Variants in SYT9 observed in about 807,000 individuals in gnomAD.
SYT9 encodes the protein synaptotagmin-9.
SYT9 carries 22 observed loss-of-function variants against 48.4 expected under a neutral mutation model. The observed-to-expected ratio is 0.45, with a 90% CI of 0.32 to 0.65. SYT9 has a LOEUF of 0.65. Ranked by LOEUF, SYT9 falls within the 30% of genes least tolerant of loss-of-function variation. The pLI, the probability that SYT9 is intolerant of heterozygous loss-of-function variation, is 0.03. For synonymous variants in SYT9, 265 were observed against 245.0 expected (o/e 1.08, Z -0.76); for missense variants, 577 against 622.0 (o/e 0.93, Z 0.77).
chr11:7,446,488 T>G (rs1041027786), intron 6 of SYT9, among the ~76,000 whole-genome samples: 8 of 152,194 alleles, frequency 5.3e-5, no homozygotes, highest in African/African-American at 1.7e-4. Context: ...GGCTTACTCT[T>G]GGGCTGGTCC....
chr11:7,243,824 G>A lies in SYT9; in HGVS notation c.49+4908G>A, dbSNP rs556111982. ...CTTGTGACACTCTCTAACCAATTTT[G>A]GATTTCATCATCCTCTTCTCTCTTT... On this transcript the variant is annotated intron_variant and NMD_transcript_variant, in intron 1 of 8. Transcript: ENST00000524820. Among the ~76,000 whole-genome samples, 21 of 152,226 alleles carry A rather than the reference G, an allele frequency of 1.4e-4. No individual in the cohort carries two copies. The East Asian group carries it at 4.1e-3, about 29-fold the overall frequency.
intron 1 of SYT9, among the ~76,000 whole-genome samples, chr11:7,283,560 T>C (rs1263255388): frequency 1.3e-5 from 2 of 152,138 alleles, no homozygotes; most frequent in African/African-American, 4.8e-5. Flanking sequence ...TCAGTTAATG[T>C]TTTCAGTAAA....
intron 1 of SYT9, among the ~76,000 whole-genome samples, chr11:7,240,610 A>G (rs1847730778): frequency 1.3e-5 from 2 of 152,234 alleles, no homozygotes; most frequent in South Asian, 4.1e-4. Flanking sequence ...TGATTCAAGT[A>G]GTATCCTTAA....
intron 1 of SYT9, among the ~76,000 whole-genome samples, chr11:7,244,543 C>T (rs568316078): frequency 1.3e-5 from 2 of 152,272 alleles, no homozygotes; most frequent in East Asian, 3.9e-4. Flanking sequence ...ATGTATACTT[C>T]AGGGTCTAAA....
chr11:7,448,592 A>C (rs150755161), intron 6 of SYT9, among the ~76,000 whole-genome samples: 3 of 152,374 alleles, frequency 2.0e-5, no homozygotes, highest in Non-Finnish European at 4.4e-5. Context: ...ATCTACGCTG[A>C]AAATGGCAAC....
Position 7,356,717 on chromosome 11 carries a change from A to C in SYT9, c.1044+42776A>C, listed in dbSNP as rs534826562. 1.4e-4 allele frequency among the ~76,000 whole-genome samples: 22 copies of C among 152,382 alleles called. 1 individual carries two copies. The South Asian group carries it at 4.3e-3, about 30-fold the overall frequency. The stretch of plus-strand genomic sequence containing the variant: ...GCAATTAAAAGTAATTTTGATCATC[A>C]GTAATAGAAGCTTCACTTACAGGTT... On this transcript the variant is annotated intron_variant, in intron 3 of 6. Transcript: ENST00000318881.
At chr11:7,283,147 G>GTGTA (rs1848532233) in intron 1 of SYT9, among the ~76,000 whole-genome samples, 1 of 139,908 alleles carries the variant, frequency 7.1e-6, no homozygotes, top group Non-Finnish European at 1.5e-5. Context: ...GTATGTGTGT[G>GTGTA]TATATATATA....
chr11:7,238,997 G>A (rs1193080558), intron 1 of SYT9: 3 of 453,866 alleles, frequency 6.6e-6, no homozygotes, highest in Non-Finnish European at 1.3e-5. Context: ...GGTGGGAGTG[G>A]TAGAGTCAGC....
At chr11:7,367,143 G>A (rs1850266059) in intron 3 of SYT9, among the ~76,000 whole-genome samples, 1 of 133,580 alleles carries the variant, frequency 7.5e-6, no homozygotes, top group South Asian at 2.4e-4. Context: ...GTGCAGTGGC[G>A]CAATCTCGGC....
intron 6 of SYT9, among the ~76,000 whole-genome samples, chr11:7,432,630 T>A (rs560057451): frequency 7.6e-5 from 3 of 39,678 alleles, no homozygotes; most frequent in African/African-American, 2.5e-4. Context: ...TATATATATA[T>A]ATATATATTT....
chr11:7,339,456 G>T (rs555307287), intron 3 of SYT9, among the ~76,000 whole-genome samples: 1 of 152,236 alleles, frequency 6.6e-6, no homozygotes, highest in South Asian at 2.1e-4. Context: ...TCCCTGGTCT[G>T]TGTACTTAAG....
intron 3 of SYT9, among the ~76,000 whole-genome samples, chr11:7,346,682 T>G (rs1331733000): frequency 6.6e-6 from 1 of 152,230 alleles, no homozygotes; most frequent in East Asian, 1.9e-4. Context: ...TGCGTCCCTT[T>G]TAAATTTTAA....
intron 3 of SYT9, among the ~76,000 whole-genome samples, chr11:7,398,379 G>A (rs1333088672): frequency 6.7e-6 from 1 of 150,166 alleles, no homozygotes; most frequent in East Asian, 2.0e-4. Context: ...TTATATCTGT[G>A]TCCATGAGGA....
intron 3 of SYT9, among the ~76,000 whole-genome samples, chr11:7,400,447 A>T (rs1846866280): frequency 6.6e-6 from 1 of 152,230 alleles, no homozygotes; most frequent in Non-Finnish European, 1.5e-5. Context: ...TCAGTAATTA[A>T]ACTCCAGTTG....
intron 1 of SYT9, among the ~76,000 whole-genome samples, chr11:7,299,780 G>C (rs963565434): frequency 5.9e-5 from 9 of 152,204 alleles, no homozygotes; most frequent in Non-Finnish European, 1.3e-4. Flanking sequence ...CTTCTGAGCA[G>C]GCTGTTTTGT....
chr11:7,378,848 C>T (rs1375848868), intron 3 of SYT9, among the ~76,000 whole-genome samples: 1 of 152,042 alleles, frequency 6.6e-6, no homozygotes, highest in Non-Finnish European at 1.5e-5. Context: ...TGGGAAATTT[C>T]AGGATGACGA....
intron 3 of SYT9, among the ~76,000 whole-genome samples, chr11:7,329,573 T>A (rs1277166477): frequency 2.0e-5 from 3 of 152,206 alleles, no homozygotes; most frequent in Non-Finnish European, 4.4e-5. Flanking sequence ...AGGGACTCTT[T>A]TTCATCTGGA....
At chr11:7,291,422 A>T (rs1348835127) in intron 1 of SYT9, among the ~76,000 whole-genome samples, 1 of 152,196 alleles carries the variant, frequency 6.6e-6, no homozygotes, top group Admixed American at 6.5e-5. Context: ...TAAGTTTCTA[A>T]TTTGAAAGAG....
rs543519230 is a variant in SYT9, at chr11:7,376,650, CT to C, written c.1045-39389del. On this transcript the variant is annotated intron_variant, in intron 3 of 6. Coordinates refer to ENST00000318881, the MANE Select transcript of SYT9 (RefSeq NM_175733.4). ...GATTCCCTGTAGCAGTTGGCTTACT[CT>C]TTCTAGAAAGGCCTGTTAGTCTCTA... Among the ~76,000 whole-genome samples, 29 of 152,208 alleles carry C rather than the reference CT, an allele frequency of 1.9e-4. No individual in the cohort carries two copies. The South Asian group carries it at 6.0e-3, about 32-fold the overall frequency.
Sources: allele counts gnomAD v4.1 joint callset (sites outside exome capture counted in the v4.1 genomes callset), GRCh38; gene constraint gnomAD v4.1.1; transcripts MANE v1.5; gene names NCBI Gene and HGNC (gene_info 2026-07-23, HGNC 2026-07-21).